SLC14A2: variants seen among roughly 807,000 people sequenced by gnomAD.
SLC14A2 encodes solute carrier family 14 member 2.
In SLC14A2, 91 loss-of-function variants were observed where a neutral mutation model predicts 104.6. The ratio of observed to expected loss-of-function variants is 0.87; its 90% CI spans 0.73 to 1.04. The LOEUF is 1.04. SLC14A2 is among the 50% of genes least tolerant of loss of function. SLC14A2 has a pLI of 0.00. For synonymous variants in SLC14A2, 476 were observed against 466.4 expected, an observed-to-expected ratio of 1.02 and a Z score of -0.27; for missense variants, 1,189 against 1,156.0, an observed-to-expected ratio of 1.03 and a Z score of -0.41.
At chr18:45,258,151 C>CTT (rs1174886830) in intron 1 of SLC14A2, among the ~76,000 whole-genome samples, 78 of 102,990 alleles carry the variant, frequency 7.6e-4, no homozygotes, top group African/African-American at 1.6e-3. Context: ...AATCACTTTT[C>CTT]CAAGGTCACC....
In SLC14A2 at chr18:45,246,769, G is replaced by T. The variant is rs185006134; in HGVS notation, c.-125+33578G>T. On this transcript the variant is annotated intron_variant, in intron 1 of 20. Coordinates refer to the SLC14A2 transcript ENST00000586448. ...CTCACGCCTATAATCCCAGCACTTTGGGAGGCCGAGGCAGGCAGATCACGA... is the reference window on the plus strand; with the variant it reads ...CTCACGCCTATAATCCCAGCACTTTTGGAGGCCGAGGCAGGCAGATCACGA... 4.5e-3 allele frequency among the ~76,000 whole-genome samples: 686 copies of T among 152,200 alleles called. 2 individuals carry two copies. Among genetic ancestry groups the T allele is most frequent in the African/African-American group, 0.015 (642 of 41,540 alleles).
intron 2 of SLC14A2, among the ~76,000 whole-genome samples, chr18:45,600,832 T>G (rs2044779434): frequency 6.6e-6 from 1 of 152,194 alleles, no homozygotes; most frequent in Admixed American, 6.5e-5. Context: ...TGAAAATATT[T>G]GAATTATTGT....
intron 1 of SLC14A2, among the ~76,000 whole-genome samples, chr18:45,341,629 G>A (rs1256923412): frequency 3.4e-5 from 4 of 117,574 alleles, no homozygotes; most frequent in Non-Finnish European, 6.8e-5. Flanking sequence ...TTTTGAGATG[G>A]ACTTTTACTT....
At chr18:45,567,957 G>A (rs1294874125) in intron 2 of SLC14A2, among the ~76,000 whole-genome samples, 1 of 152,200 alleles carries the variant, frequency 6.6e-6, no homozygotes, top group South Asian at 2.1e-4. Flanking sequence ...CAGGGGAGGT[G>A]TCACAGGCTT....
intron 1 of SLC14A2, 117 bp from the exon 2 acceptor site, chr18:45,624,514 T>C (rs2045228840): frequency 1.7e-6 from 1 of 600,282 alleles, no homozygotes; most frequent in Non-Finnish European, 2.8e-6. Flanking sequence ...AAGCTGTAGA[T>C]CCCACGTGTG....
intron 1 of SLC14A2, among the ~76,000 whole-genome samples, chr18:45,445,539 T>C (rs975646073): frequency 6.6e-6 from 1 of 152,232 alleles, no homozygotes; most frequent in Non-Finnish European, 1.5e-5. Context: ...CTGTGTAAAC[T>C]TGGGGAGATT....
chr18:45,401,961 T>A (rs1251845594), intron 1 of SLC14A2, among the ~76,000 whole-genome samples: 1 of 152,140 alleles, frequency 6.6e-6, no homozygotes, highest in Non-Finnish European at 1.5e-5. Flanking sequence ...TGCGTTGACA[T>A]CCCCAGATGG....
chr18:45,347,757 C>T (rs1217270239), intron 1 of SLC14A2, among the ~76,000 whole-genome samples: 1 of 152,202 alleles, frequency 6.6e-6, no homozygotes, highest in African/African-American at 2.4e-5. Flanking sequence ...TCACCAACTA[C>T]TGGATTTTCA....
chr18:45,296,967 CAAG>C (rs1370265580), intron 1 of SLC14A2, among the ~76,000 whole-genome samples: 1 of 152,076 alleles, frequency 6.6e-6, no homozygotes, highest in East Asian at 1.9e-4. Flanking sequence ...GATACTGAAT[CAAG>C]AAGCCAGATG....
At chr18:45,282,758 A>C (rs1216542883) in intron 1 of SLC14A2, among the ~76,000 whole-genome samples, 3 of 152,062 alleles carry the variant, frequency 2.0e-5, no homozygotes, top group African/African-American at 7.2e-5. Context: ...AACTTATACT[A>C]GTTGTATATT....
chr18:45,314,372 G>A (rs2085108126), intron 1 of SLC14A2, among the ~76,000 whole-genome samples: 1 of 152,166 alleles, frequency 6.6e-6, no homozygotes, highest in Non-Finnish European at 1.5e-5. Flanking sequence ...CAGAGATTGT[G>A]CCTGTCCTCA....
At chr18:45,535,651 T>G (rs573313223) in intron 2 of SLC14A2, among the ~76,000 whole-genome samples, 67 of 152,320 alleles carry the variant, frequency 4.4e-4, no homozygotes, top group African/African-American at 1.5e-3. Context: ...TGTTTCCAAC[T>G]GTTTGAGTGA....
chr18:45,284,567 CA>C (rs2084794968), intron 1 of SLC14A2, among the ~76,000 whole-genome samples: 1 of 152,178 alleles, frequency 6.6e-6, no homozygotes, highest in South Asian at 2.1e-4. Context: ...TTCATCCTTC[CA>C]GCCTACAGGG....
intron 2 of SLC14A2, among the ~76,000 whole-genome samples, chr18:45,497,553 T>C (rs2144749510): frequency 6.6e-6 from 1 of 152,350 alleles, no homozygotes; most frequent in Admixed American, 6.5e-5. Flanking sequence ...AAGGCCTCTC[T>C]GTTGACACCT....
chr18:45,417,023 A>G (rs2086285121), intron 1 of SLC14A2, among the ~76,000 whole-genome samples: 1 of 152,154 alleles, frequency 6.6e-6, no homozygotes, highest in African/African-American at 2.4e-5. Context: ...CGCAAGATGG[A>G]CCCTAGAAAG....
At chr18:45,588,572 G>A (rs1287079260) in intron 2 of SLC14A2, among the ~76,000 whole-genome samples, 1 of 152,186 alleles carries the variant, frequency 6.6e-6, no homozygotes, top group East Asian at 1.9e-4. Context: ...TGTGAGCTTA[G>A]AGGTAGGGTG....
chr18:45,494,855 T>C (rs7228226), intron 2 of SLC14A2, among the ~76,000 whole-genome samples: 5,195 of 151,904 alleles, frequency 0.034, 274 homozygotes, highest in African/African-American at 0.12. Flanking sequence ...TCCAGCCCGT[T>C]CTTGGTCTAA....
chr18:45,237,845 C>T lies in SLC14A2; in HGVS notation c.-125+24654C>T, dbSNP rs150113382. Among the ~76,000 whole-genome samples the T allele has an allele frequency of 3.7e-3, 568 of 152,306 alleles. 6 individuals are homozygous for T. Among genetic ancestry groups the T allele is most frequent in the African/African-American group, 0.013 (538 of 41,570 alleles). ...TGCAGGGCCCCTGGGAGTGCCTTGTCCTGGCTCCCACAGACTTCCATTGTG... is the reference window on the plus strand; with the variant it reads ...TGCAGGGCCCCTGGGAGTGCCTTGTTCTGGCTCCCACAGACTTCCATTGTG... On this transcript the variant is annotated intron_variant, in intron 1 of 20. Transcript: ENST00000586448.
chr18:45,247,408 T>C (rs1395671251), intron 1 of SLC14A2, among the ~76,000 whole-genome samples: 1 of 152,232 alleles, frequency 6.6e-6, no homozygotes, highest in Non-Finnish European at 1.5e-5. Context: ...CTTCAACGGA[T>C]TGTGGAGGCC....
Sources: gnomAD v4.1 joint callset for allele counts (sites outside exome capture counted in the v4.1 genomes callset) on GRCh38, gnomAD v4.1.1 for gene constraint, MANE v1.5 for transcripts, NCBI Gene and HGNC (gene_info 2026-07-23, HGNC 2026-07-21) for gene names.